Variants in PRKCA observed in about 807,000 individuals in gnomAD.
The protein encoded by PRKCA is protein kinase C alpha.
In PRKCA, 27 loss-of-function variants were observed where a neutral mutation model predicts 87.0. The ratio of observed to expected loss-of-function variants is 0.31; its 90% CI spans 0.23 to 0.43. The LOEUF is 0.43. Ranked by LOEUF, PRKCA falls within the 20% of genes least tolerant of loss-of-function variation. The probability of loss-of-function intolerance (pLI) is 1.00; values close to 1 mark genes in which losing one functional copy is unlikely to be tolerated. For missense variants in PRKCA, 518 were observed against 852.3 expected (o/e 0.61, Z 4.88); for synonymous variants, 329 against 311.1 (o/e 1.06, Z -0.61).
At chr17:66,413,063 G>A (rs1344922186) in intron 2 of PRKCA, among the ~76,000 whole-genome samples, 1 of 152,170 alleles carries the variant, frequency 6.6e-6, no homozygotes, top group Non-Finnish European at 1.5e-5. Context: ...CCACCTGGCA[G>A]TAGTGTCAGA....
chr17:66,377,578 A>G (rs1909501020), intron 2 of PRKCA, among the ~76,000 whole-genome samples: 1 of 146,868 alleles, frequency 6.8e-6, no homozygotes, highest in African/African-American at 2.5e-5. Flanking sequence ...TATAATATCT[A>G]TATTACATAT....
intron 3 of PRKCA, among the ~76,000 whole-genome samples, chr17:66,576,960 C>T (rs1969257740): frequency 1.3e-5 from 2 of 151,444 alleles, no homozygotes; most frequent in Admixed American, 1.3e-4. Context: ...CTGCAGCCTC[C>T]ACCTCCCGGG....
intron 3 of PRKCA, among the ~76,000 whole-genome samples, chr17:66,533,702 C>G (rs1257337548): frequency 7.1e-6 from 1 of 140,122 alleles, no homozygotes; most frequent in African/African-American, 2.9e-5. Context: ...AGGCTGCCGC[C>G]CCCACTGGCC....
Position 66,421,433 on chromosome 17 carries a change from T to TG in PRKCA, c.206-74768_206-74767insG, listed in dbSNP as rs201327613. Among the ~76,000 whole-genome samples, 745 of 138,478 alleles carry TG rather than the reference T, an allele frequency of 5.4e-3. 4 individuals are homozygous for TG. The highest frequency in any genetic ancestry group is 0.016 in the African/African-American group (647 of 39,340). 90.8% of individuals were successfully genotyped at this position (138,478 alleles called of 152,430 possible). On this transcript the variant is annotated intron_variant, in intron 2 of 16. Transcript: ENST00000413366. ...AGAACTCAGCCACAGCCTCTGTTTT[T>TG]TTTTTTTTTTTTTTTATAGCTCTAT... is the stretch of plus-strand genomic sequence containing the variant.
intron 5 of PRKCA, among the ~76,000 whole-genome samples, chr17:66,659,581 TTAAAAA>T (rs1164851450): frequency 6.6e-6 from 1 of 151,958 alleles, no homozygotes; most frequent in Non-Finnish European, 1.5e-5. Context: ...AATTTAAAAA[TTAAAAA>T]TAAAAATTAG....
Position 66,587,891 on chromosome 17 carries a change from G to GTATATATATATATATATA in PRKCA, c.289-53463_289-53462insATATATATATATATATAT. On this transcript the variant is annotated intron_variant, in intron 3 of 16. Transcript: ENST00000413366. ...TGTATGTGTGTGTGTGTGTGTGTGTGTGTGTATATATATATATATATATAT... is the reference window on the plus strand; with the variant it reads ...TGTATGTGTGTGTGTGTGTGTGTGTGTATATATATATATATATATGTGTATATATATATATATATATAT... Among the ~76,000 whole-genome samples, 2 of 87,132 alleles carry GTATATATATATATATATA rather than the reference G, an allele frequency of 2.3e-5. 1 individual carries two copies. Among genetic ancestry groups the GTATATATATATATATATA allele is most frequent in the South Asian group, 8.0e-4 (2 of 2,514 alleles). The allele number at this position is 87,132 out of a possible 152,430, so 57.2% of individuals were successfully genotyped here.
intron 5 of PRKCA, among the ~76,000 whole-genome samples, chr17:66,652,756 T>A (rs1418212079): frequency 9.9e-5 from 15 of 152,208 alleles, no homozygotes; most frequent in Admixed American, 7.2e-4. Flanking sequence ...ATGTACTCTG[T>A]AGAGGTCATT....
chr17:66,515,589 C>T (rs72843657), intron 3 of PRKCA, among the ~76,000 whole-genome samples: 1 of 152,288 alleles, frequency 6.6e-6, no homozygotes, highest in Non-Finnish European at 1.5e-5. Flanking sequence ...TTTGCCCAGG[C>T]TTGAGTGCAG....
At position 66,590,226 on chromosome 17, in the gene PRKCA, G is replaced by A. The variant is rs187968812; in HGVS notation, c.289-51129G>A. Among the ~76,000 whole-genome samples the A allele has an allele frequency of 7.9e-5, 12 of 152,204 alleles. 1 individual carries two copies. The highest frequency in any genetic ancestry group is 6.5e-4 in the Admixed American group (10 of 15,304). On this transcript the variant is annotated intron_variant, in intron 3 of 16. Coordinates refer to ENST00000413366, the MANE Select transcript of PRKCA (RefSeq NM_002737.3). ...AGATGTCAACTGCCTGAAATTCTCT[G>A]GAGACAATACCCCTGGCTCCCCTCT...
At chr17:66,509,822 C>G (rs1470291671) in intron 3 of PRKCA, among the ~76,000 whole-genome samples, 1 of 152,096 alleles carries the variant, frequency 6.6e-6, no homozygotes, top group Non-Finnish European at 1.5e-5. Context: ...TCCTGTAAAT[C>G]TTATTCATCT....
At chr17:66,735,159 G>A (rs1408220629) in intron 9 of PRKCA, among the ~76,000 whole-genome samples, 2 of 152,084 alleles carry the variant, frequency 1.3e-5, no homozygotes, top group East Asian at 3.9e-4. Context: ...TCACTCTAAG[G>A]ATACTCCTGA....
At chr17:66,357,862 G>A (rs1355992895) in intron 2 of PRKCA, among the ~76,000 whole-genome samples, 1 of 152,132 alleles carries the variant, frequency 6.6e-6, no homozygotes, top group Non-Finnish European at 1.5e-5. Flanking sequence ...AATCTGGCTC[G>A]GATTCTAAAC....
At chr17:66,327,296 G>A (rs1420190707) in intron 2 of PRKCA, among the ~76,000 whole-genome samples, 1 of 151,114 alleles carries the variant, frequency 6.6e-6, no homozygotes, top group East Asian at 1.9e-4. Context: ...GAACCCAGGA[G>A]GCGGAGCTTG....
At chr17:66,554,657 G>A in intron 3 of PRKCA, 1 of 555,946 alleles carries the variant, frequency 1.8e-6, no homozygotes, top group Non-Finnish European at 2.3e-6. Flanking sequence ...ATCTATGGAT[G>A]TGAAGGGAGT....
chr17:66,622,168 G>A (rs1446389028), intron 3 of PRKCA, among the ~76,000 whole-genome samples: 1 of 152,090 alleles, frequency 6.6e-6, no homozygotes, highest in Non-Finnish European at 1.5e-5. Flanking sequence ...CAGCCTGGGT[G>A]CCAGAGAGAG....
chr17:66,619,041 T>C (rs79212300), intron 3 of PRKCA, among the ~76,000 whole-genome samples: 4,282 of 152,294 alleles, frequency 0.028, 208 homozygotes, highest in African/African-American at 0.098. Context: ...CCTCAAGAAC[T>C]GAGAATGTAG....
chr17:66,308,887 GTTT>G (rs56755841), intron 2 of PRKCA, among the ~76,000 whole-genome samples: 7 of 149,718 alleles, frequency 4.7e-5, no homozygotes, highest in Non-Finnish European at 8.9e-5. Flanking sequence ...CTCTAATTTT[GTTT>G]TTTTTTTCCT....
At chr17:66,706,886 A>G (rs1217903578) in intron 8 of PRKCA, among the ~76,000 whole-genome samples, 2 of 152,166 alleles carry the variant, frequency 1.3e-5, no homozygotes, top group African/African-American at 4.8e-5. Context: ...TCCTTTACAT[A>G]AAAAGTTTGT....
chr17:66,505,775 C>G (rs8074628), intron 3 of PRKCA, among the ~76,000 whole-genome samples: 16 of 152,262 alleles, frequency 1.1e-4, no homozygotes, highest in African/African-American at 3.9e-4. Context: ...GGGAACAGAT[C>G]TTTGTGTATT....
Sources: gnomAD v4.1 joint callset for allele counts (sites outside exome capture counted in the v4.1 genomes callset) on GRCh38, gnomAD v4.1.1 for gene constraint, MANE v1.5 for transcripts, NCBI Gene and HGNC (gene_info 2026-07-23, HGNC 2026-07-21) for gene names.